TAAR5: variants seen among roughly 807,000 people sequenced by gnomAD.
The protein encoded by TAAR5 is trace amine-associated receptor 5.
A neutral mutation model predicts 21.1 loss-of-function variants in TAAR5; 27 were observed. That is an observed-to-expected ratio of 1.28 (90% CI 0.94 to 1.76). The LOEUF (loss-of-function observed/expected upper bound fraction) is 1.76. TAAR5 is among the 40% of genes most tolerant of loss of function. The probability of loss-of-function intolerance (pLI) is 0.00; values close to 1 mark genes in which losing one functional copy is unlikely to be tolerated. For missense variants in TAAR5, 495 were observed against 405.6 expected, an observed-to-expected ratio of 1.22 and a Z score of -1.89; for synonymous variants, 203 against 167.5, an observed-to-expected ratio of 1.21 and a Z score of -1.64.
At chr6:132,589,760 A>G (rs1776879407), upstream of TAAR5, 2 of 1,015,796 alleles carry the variant, frequency 2.0e-6, no homozygotes, top group Non-Finnish European at 2.7e-6. Context: ...AAAAAAAAAA[A>G]AAAAAAAAAA....
chr6:132,605,726 A>G, the TAAR5 span, among the ~76,000 whole-genome samples: 1 of 152,148 alleles, frequency 6.6e-6, no homozygotes, highest in African/African-American at 2.4e-5. Context: ...CACACAATAT[A>G]CCTATGTAAC....
chr6:132,597,985 A>C, the TAAR5 span, among the ~76,000 whole-genome samples: 3 of 152,216 alleles, frequency 2.0e-5, no homozygotes, highest in Non-Finnish European at 4.4e-5. Flanking sequence ...GTTAGTGTAC[A>C]CATATTTCCA....
chr6:132,597,983 A>T, the TAAR5 span, among the ~76,000 whole-genome samples: 15 of 152,340 alleles, frequency 9.8e-5, no homozygotes, highest in East Asian at 2.9e-3. Flanking sequence ...ATGTTAGTGT[A>T]CACATATTTC....
the TAAR5 span, among the ~76,000 whole-genome samples, chr6:132,595,917 TTA>T: frequency 3.3e-5 from 5 of 152,340 alleles, no homozygotes; most frequent in South Asian, 1.0e-3. Flanking sequence ...CTTTTTAACT[TTA>T]TGTGTGAGCA....
chr6:132,611,915 T>C, the TAAR5 span, among the ~76,000 whole-genome samples: 1 of 152,164 alleles, frequency 6.6e-6, no homozygotes, highest in African/African-American at 2.4e-5. Flanking sequence ...AAATACACAG[T>C]TTTTAGAGTT....
the TAAR5 span, among the ~76,000 whole-genome samples, chr6:132,604,911 C>G: frequency 1.3e-5 from 2 of 152,152 alleles, no homozygotes; most frequent in Non-Finnish European, 2.9e-5. Flanking sequence ...CCGAACGTGT[C>G]AGGGGAAGGA....
the TAAR5 span, among the ~76,000 whole-genome samples, chr6:132,611,498 T>C: frequency 7.4e-4 from 112 of 152,356 alleles, no homozygotes; most frequent in Non-Finnish European, 1.5e-3. Flanking sequence ...CCAGTTACTC[T>C]GGTTTGACCA....
At chr6:132,609,268 T>C in the TAAR5 span, 1 of 324,990 alleles carries the variant, frequency 3.1e-6, no homozygotes, top group African/African-American at 2.2e-5. Flanking sequence ...GAATATAAGT[T>C]AGATCCATGG....
At chr6:132,608,214 C>T in the TAAR5 span, 1 of 391,356 alleles carries the variant, frequency 2.6e-6, no homozygotes, top group Admixed American at 3.2e-5. Context: ...ATCTCATTTG[C>T]AATATTCTAT....
the TAAR5 span, among the ~76,000 whole-genome samples, chr6:132,614,821 C>G: frequency 3.9e-5 from 6 of 152,028 alleles, no homozygotes; most frequent in South Asian, 1.2e-3. Flanking sequence ...ATTGAAATAC[C>G]CTGGGTTTTT....
At chr6:132,597,599 C>T in the TAAR5 span, among the ~76,000 whole-genome samples, 2 of 152,150 alleles carry the variant, frequency 1.3e-5, no homozygotes, top group Non-Finnish European at 1.5e-5. Context: ...TAAAGTTAAG[C>T]CCTTTATGGC....
At chr6:132,600,954 A>G in the TAAR5 span, among the ~76,000 whole-genome samples, 7 of 45,730 alleles carry the variant, frequency 1.5e-4, no homozygotes, top group African/African-American at 5.1e-4. Flanking sequence ...GGAAAGAAAG[A>G]AGGAGGGAAG....
chr6:132,591,651 A>C (rs778758162), upstream of TAAR5, among the ~76,000 whole-genome samples: 6 of 152,346 alleles, frequency 3.9e-5, no homozygotes, highest in Non-Finnish European at 7.3e-5. Context: ...ATAATTGGCC[A>C]AGGAGTCCTA....
chr6:132,599,323 C>CTTT, the TAAR5 span, among the ~76,000 whole-genome samples: 3 of 98,464 alleles, frequency 3.0e-5, no homozygotes, highest in Non-Finnish European at 5.9e-5. Flanking sequence ...CTTTTCTTTT[C>CTTT]TTTTTTTTTT....
the TAAR5 span, among the ~76,000 whole-genome samples, chr6:132,614,353 C>A: frequency 6.6e-6 from 1 of 152,150 alleles, no homozygotes; most frequent in Non-Finnish European, 1.5e-5. Context: ...AATTTACCAA[C>A]CTTGTCAAAT....
chr6:132,605,952 G>GC, the TAAR5 span, among the ~76,000 whole-genome samples: 1 of 126,344 alleles, frequency 7.9e-6, no homozygotes, highest in African/African-American at 3.2e-5. Flanking sequence ...AGCATCCTTT[G>GC]CAGCAACATG....
At position 132,589,096 on chromosome 6, in the gene TAAR5, A is replaced by G; in HGVS notation, c.591T>C (p.Asn197=). 1.2e-6 allele frequency: 2 copies of G among 1,614,044 alleles called. No individual in the cohort carries two copies. The highest frequency in any genetic ancestry group is 1.7e-6 in the Non-Finnish European group (2 of 1,179,960). ...GGAAGTTTAACCAGCCCCAAAATTT[A>G]TTGAGCAGCAGCTGGCAACTGCCCA... is the stretch of plus-strand genomic sequence containing the variant. ...PCVGSCQLLL[N]KFWGWLNFPL... Residue 197 remains asparagine, a synonymous_variant, in exon 1 of 1, where the codon AAT becomes AAC. Transcript: ENST00000258034.
the TAAR5 span, among the ~76,000 whole-genome samples, chr6:132,607,222 AT>A: frequency 2.6e-5 from 4 of 152,038 alleles, no homozygotes; most frequent in African/African-American, 9.7e-5. Context: ...AAACTTTAAA[AT>A]TAAAAGAAAA....
the TAAR5 span, among the ~76,000 whole-genome samples, chr6:132,597,015 A>G: frequency 6.6e-6 from 1 of 152,174 alleles, no homozygotes; most frequent in Non-Finnish European, 1.5e-5. Flanking sequence ...AGCATTTGCC[A>G]CTATATATTC....
Sources: allele counts gnomAD v4.1 joint callset (sites outside exome capture counted in the v4.1 genomes callset), GRCh38; gene constraint gnomAD v4.1.1; transcripts MANE v1.5; gene names NCBI Gene and HGNC (gene_info 2026-07-23, HGNC 2026-07-21).